PHF24: variants seen among roughly 807,000 people sequenced by gnomAD.
The protein encoded by PHF24 is PHD finger protein 24.
A neutral mutation model predicts 42.6 loss-of-function variants in PHF24; 25 were observed. The ratio of observed to expected loss-of-function variants is 0.59; its 90% CI spans 0.43 to 0.82. PHF24 has a LOEUF of 0.82. Ranked by LOEUF, PHF24 falls within the 40% of genes least tolerant of loss-of-function variation. The pLI, the probability that PHF24 is intolerant of heterozygous loss-of-function variation, is 0.00. For synonymous variants in PHF24, 185 were observed against 204.8 expected, an observed-to-expected ratio of 0.90 and a Z score of 0.83; for missense variants, 470 against 538.1, an observed-to-expected ratio of 0.87 and a Z score of 1.25.
the PHF24 span, chr9:34,837,615 C>T: frequency 6.9e-7 from 1 of 1,445,802 alleles, no homozygotes; most frequent in Non-Finnish European, 9.5e-7. Flanking sequence ...AGGAAACACC[C>T]ACAGTGGAAG....
chr9:34,720,000 C>T, the PHF24 span, among the ~76,000 whole-genome samples: 1 of 152,190 alleles, frequency 6.6e-6, no homozygotes. Flanking sequence ...TCCCATCCTG[C>T]CTCTTCTGTA....
the PHF24 span, among the ~76,000 whole-genome samples, chr9:34,899,136 C>T: frequency 2.0e-5 from 3 of 152,290 alleles, no homozygotes; most frequent in Admixed American, 6.5e-5. Context: ...GCATTTCTCA[C>T]GATGTGGGCA....
At chr9:34,910,503 A>G in the PHF24 span, among the ~76,000 whole-genome samples, 4 of 150,694 alleles carry the variant, frequency 2.7e-5, no homozygotes, top group African/African-American at 9.7e-5. Flanking sequence ...ACAAATGTTA[A>G]TTAGCTCAAA....
the PHF24 span, among the ~76,000 whole-genome samples, chr9:34,700,971 T>C: frequency 1.3e-5 from 2 of 151,764 alleles, no homozygotes; most frequent in African/African-American, 2.4e-5. Flanking sequence ...GTCAGGGAGG[T>C]GTTTGAAACA....
At chr9:34,917,438 C>T in the PHF24 span, 5 of 768,456 alleles carry the variant, frequency 6.5e-6, no homozygotes, top group Non-Finnish European at 1.2e-5. Context: ...GTTTAAGGAC[C>T]CTTTCCGTAA....
chr9:34,830,759 C>G, the PHF24 span, among the ~76,000 whole-genome samples: 1 of 152,094 alleles, frequency 6.6e-6, no homozygotes, highest in Admixed American at 6.5e-5. Context: ...GTAGGAGGGA[C>G]TTTGTTTAAT....
the PHF24 span, among the ~76,000 whole-genome samples, chr9:34,797,346 C>T: frequency 6.6e-6 from 1 of 152,176 alleles, no homozygotes; most frequent in South Asian, 2.1e-4. Flanking sequence ...GTCGCAAGGA[C>T]AGAGGGCTTT....
At chr9:34,953,892 C>T (rs906909766), upstream of PHF24, among the ~76,000 whole-genome samples, 22 of 152,068 alleles carry the variant, frequency 1.4e-4, no homozygotes, top group African/African-American at 2.7e-4. The surrounding 1 kb of genome is among the most constrained non-coding windows in gnomAD (Gnocchi z 4.1). Context: ...GCTGTGATTG[C>T]GCCTCTCCAC....
chr9:34,922,870 A>G, the PHF24 span: 12 of 1,575,630 alleles, frequency 7.6e-6, no homozygotes, highest in South Asian at 1.3e-4. Context: ...TCATCATACC[A>G]CTCAGCCTGC....
chr9:34,812,226 A>G, the PHF24 span, among the ~76,000 whole-genome samples: 1 of 151,754 alleles, frequency 6.6e-6, no homozygotes, highest in Non-Finnish European at 1.5e-5. Flanking sequence ...GACAAAACAA[A>G]CACATACGTA....
At chr9:34,735,067 T>C in the PHF24 span, among the ~76,000 whole-genome samples, 1 of 152,118 alleles carries the variant, frequency 6.6e-6, no homozygotes, top group African/African-American at 2.4e-5. Flanking sequence ...GGGGTGATCA[T>C]TTTCAGGTAT....
At chr9:34,907,757 T>C in the PHF24 span, among the ~76,000 whole-genome samples, 9 of 152,306 alleles carry the variant, frequency 5.9e-5, no homozygotes, top group East Asian at 9.6e-4. Flanking sequence ...TAGTTTTTTT[T>C]CCCCTTTTTC....
chr9:34,814,256 T>A, the PHF24 span, among the ~76,000 whole-genome samples: 1 of 152,218 alleles, frequency 6.6e-6, no homozygotes, highest in Non-Finnish European at 1.5e-5. Context: ...TGTTTTGTTT[T>A]GTCTTGTTTT....
At chr9:34,852,416 T>C in the PHF24 span, among the ~76,000 whole-genome samples, 1 of 152,184 alleles carries the variant, frequency 6.6e-6, no homozygotes, top group African/African-American at 2.4e-5. Context: ...GCATCCTTTC[T>C]TTCAGCTTGA....
chr9:34,920,354 G>A, the PHF24 span, among the ~76,000 whole-genome samples: 1 of 152,078 alleles, frequency 6.6e-6, no homozygotes, highest in South Asian at 2.1e-4. Flanking sequence ...TCTCTGTTCT[G>A]TCCCATTGAC....
the PHF24 span, among the ~76,000 whole-genome samples, chr9:34,939,446 A>G: frequency 6.6e-6 from 1 of 152,188 alleles, no homozygotes; most frequent in Non-Finnish European, 1.5e-5. Context: ...GAGCTGTCAG[A>G]GAGAGATGCA....
the PHF24 span, among the ~76,000 whole-genome samples, chr9:34,818,258 A>G: frequency 6.6e-6 from 1 of 152,104 alleles, no homozygotes; most frequent in African/African-American, 2.4e-5. Context: ...ATTGTTCCTG[A>G]TAGTAGGGGA....
the PHF24 span, among the ~76,000 whole-genome samples, chr9:34,817,479 A>G: frequency 6.6e-6 from 1 of 152,178 alleles, no homozygotes; most frequent in Non-Finnish European, 1.5e-5. Flanking sequence ...TCTTGGCCTC[A>G]AACGATCCTC....
chr9:34,886,661 G>C, the PHF24 span, among the ~76,000 whole-genome samples: 2 of 151,952 alleles, frequency 1.3e-5, no homozygotes. Context: ...ACATTAAAGA[G>C]TCCCAGAGAC....
Sources: gnomAD v4.1 joint callset for allele counts (sites outside exome capture counted in the v4.1 genomes callset) on GRCh38, gnomAD v4.1.1 for gene constraint, Gnocchi (gnomAD v3.1) non-coding constraint, MANE v1.5 for transcripts, NCBI Gene and HGNC (gene_info 2026-07-23, HGNC 2026-07-21) for gene names.